Variants in THOC3 observed in about 807,000 individuals in gnomAD.
The protein encoded by THOC3 is TEX1 homolog.
Under a neutral mutation model 23.3 loss-of-function variants are expected in THOC3, and 4 were observed. The ratio of observed to expected loss-of-function variants is 0.17; its 90% confidence interval spans 0.08 to 0.39. The LOEUF (loss-of-function observed/expected upper bound fraction) is 0.39. THOC3 is among the 10% of genes least tolerant of loss of function. The pLI, the probability that THOC3 is intolerant of heterozygous loss-of-function variation, is 1.00. For synonymous variants in THOC3, 27 were observed against 141.5 expected (o/e 0.19, Z 5.74); for missense variants, 64 against 359.4 (o/e 0.18, Z 6.65).
chr5:175,965,525 C>T (rs1234446275), intron 2 of THOC3, among the ~76,000 whole-genome samples: 2 of 152,252 alleles, frequency 1.3e-5, no homozygotes, highest in African/African-American at 4.8e-5. Flanking sequence ...CCTGGGTTCA[C>T]GCCATTCTCT....
intron 2 of THOC3, among the ~76,000 whole-genome samples, chr5:175,966,416 G>A (rs1756768105): frequency 6.6e-6 from 1 of 151,666 alleles, no homozygotes; most frequent in South Asian, 2.1e-4. Context: ...GGCCCACACT[G>A]AACACATCAA....
intron 3 of THOC3, among the ~76,000 whole-genome samples, chr5:175,961,803 A>C (rs1316414469): frequency 6.6e-6 from 1 of 152,096 alleles, no homozygotes; most frequent in Admixed American, 6.5e-5. Context: ...CATCCAGCAA[A>C]ACTGAATTTC....
At chr5:175,965,520 G>A in intron 2 of THOC3, among the ~76,000 whole-genome samples, 1 of 152,374 alleles carries the variant, frequency 6.6e-6, no homozygotes, top group South Asian at 2.1e-4. Context: ...CACCTCCTGG[G>A]TTCACGCCAT....
chr5:175,962,172 G>T (rs1342773782), intron 3 of THOC3, among the ~76,000 whole-genome samples: 1 of 151,000 alleles, frequency 6.6e-6, no homozygotes, highest in Admixed American at 6.6e-5. Context: ...CACATTGGTG[G>T]TAGCAGCAGT....
chr5:175,963,063 C>T (rs534691916), intron 3 of THOC3, among the ~76,000 whole-genome samples: 1 of 152,290 alleles, frequency 6.6e-6, no homozygotes, highest in Non-Finnish European at 1.5e-5. Flanking sequence ...AACATCAGCC[C>T]GTAATGATTC....
chr5:175,964,507 C>T (rs1287550945), intron 3 of THOC3, among the ~76,000 whole-genome samples: 12 of 152,118 alleles, frequency 7.9e-5, no homozygotes. Flanking sequence ...ATCCCAGCTA[C>T]TTGGGAGGCT....
intron 2 of THOC3, 101 bp from the exon 3 acceptor site, chr5:175,965,256 C>G: frequency 1.3e-6 from 2 of 1,541,248 alleles, no homozygotes; most frequent in Non-Finnish European, 1.8e-6. Flanking sequence ...TTCTTCCGGG[C>G]TTACTCATTA....
At chr5:175,962,421 T>TACACACACACACACACACACACAC (rs59077860) in intron 3 of THOC3, among the ~76,000 whole-genome samples, 4 of 44,216 alleles carry the variant, frequency 9.0e-5, no homozygotes, top group African/African-American at 3.0e-4. Flanking sequence ...TATATATATA[T>TACACACACACACACACACACACAC]ACACACACAC....
intron 3 of THOC3, among the ~76,000 whole-genome samples, chr5:175,964,225 G>C (rs1160214820): frequency 6.6e-6 from 1 of 152,256 alleles, no homozygotes; most frequent in East Asian, 1.9e-4. Context: ...AGGAGACACA[G>C]GCAAATAAAC....
intron 2 of THOC3, among the ~76,000 whole-genome samples, chr5:175,966,469 T>C (rs1756768971): frequency 1.3e-5 from 2 of 151,524 alleles, no homozygotes; most frequent in Admixed American, 1.3e-4. Context: ...ACGCATATTT[T>C]CTCACATTTT....
At chr5:175,965,553 TA>T (rs1345631776) in intron 2 of THOC3, among the ~76,000 whole-genome samples, 1 of 152,222 alleles carries the variant, frequency 6.6e-6, no homozygotes, top group Non-Finnish European at 1.5e-5. Context: ...GCCTCCCGAG[TA>T]GCTGGGACTA....
At chr5:175,963,922 G>C (rs1296887756) in intron 3 of THOC3, among the ~76,000 whole-genome samples, 1 of 152,292 alleles carries the variant, frequency 6.6e-6, no homozygotes. Flanking sequence ...AAGCTCACAA[G>C]CTCCCTCCTT....
chr5:175,964,350 T>C (rs1354566013), intron 3 of THOC3, among the ~76,000 whole-genome samples: 1 of 152,256 alleles, frequency 6.6e-6, no homozygotes, highest in Admixed American at 6.5e-5. Context: ...CAAAGTGATA[T>C]TTCAGTTGAA....
At chr5:175,961,824 A>G (rs1451998863) in intron 3 of THOC3, among the ~76,000 whole-genome samples, 1 of 152,122 alleles carries the variant, frequency 6.6e-6, no homozygotes, top group East Asian at 1.9e-4. Flanking sequence ...AAATATAATG[A>G]TACAAACAAT....
intron 3 of THOC3, 24 bp downstream of exon 3, chr5:175,964,927 G>A: frequency 1.2e-6 from 1 of 860,710 alleles, no homozygotes; most frequent in Non-Finnish European, 1.8e-6. Flanking sequence ...AGACATGACA[G>A]TCCCCTAAGC....
At chr5:175,962,774 C>CAAAGTGCT (rs1163941676) in intron 3 of THOC3, among the ~76,000 whole-genome samples, 1 of 148,416 alleles carries the variant, frequency 6.7e-6, no homozygotes, top group Non-Finnish European at 1.5e-5. Context: ...CCCAAAGTGC[C>CAAAGTGCT]AAAGTGCTGG....
chr5:175,964,896 C>T, intron 3 of THOC3, 55 bp downstream of exon 3: 2 of 673,342 alleles, frequency 3.0e-6, no homozygotes, highest in South Asian at 3.7e-5. Context: ...ATCTCCATAT[C>T]TGACACAGCA....
In THOC3 at chr5:175,968,062, G is replaced by C. The variant is rs1160920147; in HGVS notation, c.147C>G (p.Arg49=). The change falls in exon 1 of 6, where the codon CGC becomes CGG. Residue 49 remains arginine, a synonymous_variant. Coordinates refer to ENST00000265097, the MANE Select transcript of THOC3 (RefSeq NM_032361.4). The part of the protein sequence containing the change: ...QELFRGHSKT[R]EFLAHSAKVH... ...CCTTGGCGCTGTGCGCCAGGAACTC[G>C]CGCGTCTTGCTGTGGCCCCGGAACA... 3 of 1,611,608 alleles carry C rather than the reference G, an allele frequency of 1.9e-6. No homozygotes were observed. Among genetic ancestry groups the C allele is most frequent in the Non-Finnish European group, 2.5e-6 (3 of 1,179,750 alleles).
chr5:175,963,148 A>T (rs1350312633), intron 3 of THOC3, among the ~76,000 whole-genome samples: 3 of 152,258 alleles, frequency 2.0e-5, no homozygotes, highest in East Asian at 1.9e-4. Context: ...AAACAGAATC[A>T]AAATTTTATC....
Sources: gnomAD v4.1 joint callset for allele counts (sites outside exome capture counted in the v4.1 genomes callset) on GRCh38, gnomAD v4.1.1 for gene constraint, MANE v1.5 for transcripts, NCBI Gene and HGNC (gene_info 2026-07-23, HGNC 2026-07-21) for gene names.